The following UBE3C variants were observed in gnomAD, a reference collection of about 807,000 sequenced individuals.
The protein encoded by UBE3C is ubiquitin-protein ligase E3C.
Under a neutral mutation model 129.4 loss-of-function variants are expected in UBE3C, and 42 were observed. The observed-to-expected ratio is 0.32, with a 90% CI of 0.25 to 0.42. The LOEUF is 0.42. UBE3C is among the 10% of genes least tolerant of loss of function. The probability of loss-of-function intolerance (pLI) is 1.00; values close to 1 mark genes in which losing one functional copy is unlikely to be tolerated. For missense variants in UBE3C, 1,049 were observed against 1,319.1 expected (o/e 0.80, Z 3.17); for synonymous variants, 510 against 492.4 (o/e 1.04, Z -0.47).
chr7:157,217,078 A>G (rs1795601892), intron 14 of UBE3C, 107 bp downstream of exon 14: 1 of 812,148 alleles, frequency 1.2e-6, no homozygotes, highest in Non-Finnish European at 1.9e-6. Context: ...TTTATGACTC[A>G]TATGACTAAA....
At chr7:157,200,787 C>G (rs1484349115) in intron 10 of UBE3C, among the ~76,000 whole-genome samples, 1 of 151,972 alleles carries the variant, frequency 6.6e-6, no homozygotes, top group Non-Finnish European at 1.5e-5. Flanking sequence ...GCCACCACAC[C>G]CAACTTTTCA....
chr7:157,178,183 T>G (rs1808574211), intron 5 of UBE3C, among the ~76,000 whole-genome samples: 1 of 152,146 alleles, frequency 6.6e-6, no homozygotes, highest in East Asian at 1.9e-4. Flanking sequence ...ATAGTTAACC[T>G]GCAGTTCTTC....
At chr7:157,139,749 C>T (rs914578594) in intron 1 of UBE3C, among the ~76,000 whole-genome samples, 2 of 152,260 alleles carry the variant, frequency 1.3e-5, no homozygotes, top group African/African-American at 4.8e-5. Context: ...TGGGTGTTTC[C>T]TTTCAGAAAT....
intron 10 of UBE3C, among the ~76,000 whole-genome samples, chr7:157,187,381 G>GTTTTTTT (rs10637384): frequency 1.4e-5 from 2 of 142,946 alleles, no homozygotes; most frequent in African/African-American, 2.6e-5. Flanking sequence ...GTTTTATGGG[G>GTTTTTTT]TTTTTTTTTT....
intron 8 of UBE3C, among the ~76,000 whole-genome samples, chr7:157,183,131 A>G (rs563441811): frequency 7.9e-5 from 12 of 152,238 alleles, no homozygotes; most frequent in South Asian, 2.1e-4. Context: ...ACACCAAGCA[A>G]TTCTTCAGTG....
At chr7:157,143,132 G>T (rs1807504166) in intron 1 of UBE3C, among the ~76,000 whole-genome samples, 1 of 152,092 alleles carries the variant, frequency 6.6e-6, no homozygotes, top group African/African-American at 2.4e-5. Context: ...CTCCCAAAGT[G>T]CTGGGATTAC....
intron 1 of UBE3C, among the ~76,000 whole-genome samples, chr7:157,156,300 CT>C (rs1173730075): frequency 0.022 from 1,858 of 85,872 alleles, 14 homozygotes; most frequent in African/African-American, 0.083. Context: ...ACCCCCAGTT[CT>C]TTTTTTTTTT....
In UBE3C at chr7:157,229,416, G is replaced by A. The variant is rs377554868; in HGVS notation, c.2234-1664G>A. 9.9e-4 allele frequency among the ~76,000 whole-genome samples: 150 copies of A among 152,194 alleles called. No homozygotes were observed. In the Middle Eastern group the frequency reaches 0.017, roughly 17 times the overall value. On this transcript the variant is annotated intron_variant, in intron 17 of 22. Coordinates refer to ENST00000348165, the MANE Select transcript of UBE3C (RefSeq NM_014671.3). ...TGCAACCTCCACCTCCTGGGTTCAAGCGATTCTCCTGCCTCAGCCTCCTGA... is the reference window on the plus strand; with the variant it reads ...TGCAACCTCCACCTCCTGGGTTCAAACGATTCTCCTGCCTCAGCCTCCTGA...
At chr7:157,187,479 T>A (rs985615399) in intron 10 of UBE3C, among the ~76,000 whole-genome samples, 1 of 151,268 alleles carries the variant, frequency 6.6e-6, no homozygotes, top group African/African-American at 2.4e-5. Flanking sequence ...CTTCCTGGGC[T>A]CAAGCGATCC....
At chr7:157,144,115 A>G (rs777147947) in intron 1 of UBE3C, among the ~76,000 whole-genome samples, 112 of 152,178 alleles carry the variant, frequency 7.4e-4, no homozygotes, top group Non-Finnish European at 1.4e-3. Context: ...AGCACATTGG[A>G]GAGTGAATGG....
At chr7:157,159,619 G>C (rs1009683717) in intron 1 of UBE3C, among the ~76,000 whole-genome samples, 2 of 152,216 alleles carry the variant, frequency 1.3e-5, no homozygotes, top group Non-Finnish European at 2.9e-5. Context: ...TGTAATACCA[G>C]CACTTTGGGA....
chr7:157,259,987 A>G (rs911857374), intron 22 of UBE3C, among the ~76,000 whole-genome samples: 1 of 152,204 alleles, frequency 6.6e-6, no homozygotes, highest in African/African-American at 2.4e-5. Flanking sequence ...GTTTGTTTCA[A>G]ATAGGTCAAT....
At chr7:157,189,019 A>C (rs1225195351) in intron 10 of UBE3C, 1 of 551,186 alleles carries the variant, frequency 1.8e-6, no homozygotes, top group African/African-American at 1.8e-5. Context: ...GCGTACATGA[A>C]AACCGGGAAG....
At chr7:157,159,724 G>A (rs1315460340) in intron 1 of UBE3C, among the ~76,000 whole-genome samples, 1 of 152,126 alleles carries the variant, frequency 6.6e-6, no homozygotes, top group Non-Finnish European at 1.5e-5. Flanking sequence ...AGAAACAGCC[G>A]AGCGTGGTGG....
At chr7:157,160,414 T>A (rs1217940584) in intron 1 of UBE3C, among the ~76,000 whole-genome samples, 1 of 152,184 alleles carries the variant, frequency 6.6e-6, no homozygotes, top group South Asian at 2.1e-4. Context: ...TTCATTGTAT[T>A]TAATTTGGGG....
At chr7:157,148,585 G>A (rs1028475388) in intron 1 of UBE3C, among the ~76,000 whole-genome samples, 5 of 152,098 alleles carry the variant, frequency 3.3e-5, no homozygotes, top group African/African-American at 1.2e-4. Context: ...AACTTAAAAT[G>A]TTTTGTGCTA....
chr7:157,186,791 G>T, intron 9 of UBE3C, 43 bp from the exon 10 acceptor site: 1 of 1,604,438 alleles, frequency 6.2e-7, no homozygotes, highest in Non-Finnish European at 8.5e-7. Context: ...GGACGTTCCA[G>T]TTGAGCACAT....
At chr7:157,197,860 C>T (rs2286130) in intron 10 of UBE3C, 394,223 of 1,605,626 alleles carry the variant, frequency 0.25, 49,969 homozygotes, top group East Asian at 0.43. Context: ...AGAACAACCG[C>T]GTTAAGTATT....
Position 157,178,767 on chromosome 7 carries a change from A to G in UBE3C, c.536A>G (p.Asn179Ser), listed in dbSNP as rs370602625. The change falls in exon 6 of 23, where the codon AAT becomes AGT. Residue 179 changes from asparagine to serine, a missense_variant. Physicochemically the swap from Asn to Ser is conservative, Grantham distance 46 (BLOSUM62 1). This residue lies in a region of UBE3C where 489 missense variants were observed against 513.8 expected (regional missense o/e 0.95). Transcript: ENST00000348165. ...MRMLEVFSSE[N>S]TYLPVLQDAS... The stretch of plus-strand genomic sequence containing the variant: ...ATGCTTGAAGTATTTTCGTCTGAGA[A>G]TACTTACTTGCCTGTTTTACAAGAT... The G allele has an allele frequency of 3.1e-6, 5 of 1,614,088 alleles. No homozygotes were observed. The highest frequency in any genetic ancestry group is 2.2e-5 in the East Asian group (1 of 44,900).
Sources: allele counts gnomAD v4.1 joint callset (sites outside exome capture counted in the v4.1 genomes callset), GRCh38; gene constraint gnomAD v4.1.1; regional missense constraint gnomAD v4.1.1; transcripts MANE v1.5; gene names NCBI Gene and HGNC (gene_info 2026-07-23, HGNC 2026-07-21).